The following GALM variants were observed in gnomAD, a reference collection of about 807,000 sequenced individuals.
The protein encoded by GALM is galactose mutarotase, also known as aldose 1-epimerase.
GALM carries 43 observed loss-of-function variants against 37.4 expected under a neutral mutation model. The ratio of observed to expected loss-of-function variants is 1.15; its 90% CI spans 0.90 to 1.48. The LOEUF (loss-of-function observed/expected upper bound fraction) is 1.48, where lower values mean the gene tolerates loss of function less well. GALM is among the 40% of genes most tolerant of loss of function. The pLI, the probability that GALM is intolerant of heterozygous loss-of-function variation, is 0.00. For missense variants in GALM, 456 were observed against 419.1 expected (o/e 1.09, Z -0.77); for synonymous variants, 199 against 170.6 (o/e 1.17, Z -1.30).
At chr2:38,717,507 C>G (rs1397367189) in intron 4 of GALM, among the ~76,000 whole-genome samples, 1 of 151,230 alleles carries the variant, frequency 6.6e-6, no homozygotes, top group Non-Finnish European at 1.5e-5. Flanking sequence ...TCAAGCAATT[C>G]TCTTGCTTGA....
At chr2:38,731,932 C>G in intron 6 of GALM, 23 bp downstream of exon 6, 1 of 1,605,932 alleles carries the variant, frequency 6.2e-7, no homozygotes, top group Non-Finnish European at 8.5e-7. Context: ...GCTGGCTTTT[C>G]AGAGTAGAGT....
chr2:38,728,935 G>A (rs1037186358), intron 4 of GALM, among the ~76,000 whole-genome samples: 1 of 152,104 alleles, frequency 6.6e-6, no homozygotes, highest in Non-Finnish European at 1.5e-5. Context: ...TTCCACCTGC[G>A]CTGCTCAGAA....
chr2:38,693,365 C>T (rs1312053718), intron 4 of GALM, among the ~76,000 whole-genome samples: 1 of 151,960 alleles, frequency 6.6e-6, no homozygotes, highest in Non-Finnish European at 1.5e-5. Context: ...CGCCTGTAAT[C>T]CCAGTTACTT....
rs566728898 is a variant in GALM, at chr2:38,691,602, C to T, written c.634+1708C>T. On this transcript the variant is annotated intron_variant, in intron 4 of 6. Transcript: ENST00000272252. ...AAGAGGCTGAAGCAGGAGGATCTCT[C>T]GAGCCCAGGAGTTGGAGGCTGCAGT... 4.6e-5 allele frequency among the ~76,000 whole-genome samples: 7 copies of T among 151,730 alleles called. No individual in the cohort carries two copies. The East Asian group carries it at 9.7e-4, about 21-fold the overall frequency.
At chr2:38,707,295 G>A (rs943719673) in intron 4 of GALM, among the ~76,000 whole-genome samples, 12 of 152,148 alleles carry the variant, frequency 7.9e-5, no homozygotes, top group Non-Finnish European at 1.5e-4. Context: ...ATTAAGCCAC[G>A]TGGATTTACC....
intron 1 of GALM, chr2:38,671,500 CACTG>C (rs549410452): frequency 2.6e-5 from 4 of 152,178 alleles, no homozygotes; most frequent in Non-Finnish European, 4.4e-5. Flanking sequence ...CGTGAGAACT[CACTG>C]ACTATCACAA....
intron 1 of GALM, 68 bp from the exon 2 acceptor site, chr2:38,675,844 C>T: frequency 3.4e-6 from 5 of 1,472,092 alleles, no homozygotes; most frequent in Non-Finnish European, 3.8e-6. Context: ...GCTGGGATTA[C>T]AGGTGTGAGC....
chr2:38,691,091 A>C (rs1665662386), intron 4 of GALM, among the ~76,000 whole-genome samples: 1 of 152,226 alleles, frequency 6.6e-6, no homozygotes, highest in African/African-American at 2.4e-5. Context: ...CTGCAGTAGA[A>C]CTATATGTTG....
intron 4 of GALM, among the ~76,000 whole-genome samples, chr2:38,725,513 G>A (rs372977323): frequency 2.8e-4 from 42 of 151,036 alleles, no homozygotes; most frequent in African/African-American, 9.8e-4. Context: ...TACAGCCTGG[G>A]TAACAGAACG....
At chr2:38,712,754 G>A (rs756134567) in intron 4 of GALM, among the ~76,000 whole-genome samples, 7 of 152,188 alleles carry the variant, frequency 4.6e-5, no homozygotes, top group African/African-American at 7.2e-5. Flanking sequence ...AAGGAGGAGC[G>A]CAGGACAGCA....
intron 3 of GALM, among the ~76,000 whole-genome samples, chr2:38,687,536 C>G (rs531826861): frequency 1.9e-4 from 29 of 152,026 alleles, no homozygotes; most frequent in African/African-American, 6.5e-4. Context: ...ATGGTGAAAC[C>G]CCATCTCTAC....
chr2:38,698,254 C>T lies in GALM; in HGVS notation c.634+8360C>T, dbSNP rs543301345. On this transcript the variant is annotated intron_variant, in intron 4 of 6. Transcript: ENST00000272252. ...TTAAATAAATGAATAGAATTCATCACCTAACTTCTAAAGCTACCTCTGTAG... is the reference window on the plus strand; with the variant it reads ...TTAAATAAATGAATAGAATTCATCATCTAACTTCTAAAGCTACCTCTGTAG... The T allele has an allele frequency of 1.5e-5, 6 of 405,206 alleles. No homozygotes were observed. The East Asian group carries it at 4.9e-4, about 33-fold the overall frequency. 25.1% of individuals were successfully genotyped at this position (405,206 alleles called of 1,614,324 possible).
chr2:38,699,073 C>G lies in GALM; in HGVS notation c.634+9179C>G, dbSNP rs532892437. Among the ~76,000 whole-genome samples the G allele has an allele frequency of 3.3e-5, 5 of 151,918 alleles. No homozygotes were observed. In the South Asian group the frequency reaches 6.2e-4, roughly 19 times the overall value. The stretch of plus-strand genomic sequence containing the variant: ...GGATTACAAACGCCCACCACCATGC[C>G]CAGCTAATTTTTGTATTTTTAGTAG... On this transcript the variant is annotated intron_variant, in intron 4 of 6. Transcript: ENST00000272252.
At chr2:38,687,183 AC>A (rs1473621208) in intron 3 of GALM, among the ~76,000 whole-genome samples, 3 of 152,178 alleles carry the variant, frequency 2.0e-5, no homozygotes, top group Non-Finnish European at 4.4e-5. Flanking sequence ...TGCTGGCACC[AC>A]CCTGAGGCAT....
intron 4 of GALM, among the ~76,000 whole-genome samples, chr2:38,699,592 C>G (rs768060527): frequency 3.3e-5 from 5 of 152,050 alleles, no homozygotes; most frequent in Non-Finnish European, 7.4e-5. Context: ...CCGAGGTGGA[C>G]TGATCACCTG....
At chr2:38,689,659 CCA>C (rs1665625618) in intron 3 of GALM, among the ~76,000 whole-genome samples, 152 bp from the exon 4 acceptor site, 1 of 152,206 alleles carries the variant, frequency 6.6e-6, no homozygotes, top group African/African-American at 2.4e-5. Flanking sequence ...TTATCTACCT[CCA>C]CTTAGTTGAT....
chr2:38,698,645 C>T (rs1318378332), intron 4 of GALM, among the ~76,000 whole-genome samples: 1 of 152,134 alleles, frequency 6.6e-6, no homozygotes, highest in Non-Finnish European at 1.5e-5. Context: ...CAGGGCTGTC[C>T]CTGTAATTTC....
chr2:38,678,998 A>T (rs1045736984), intron 2 of GALM, among the ~76,000 whole-genome samples: 15 of 152,018 alleles, frequency 9.9e-5, no homozygotes, highest in Admixed American at 3.9e-4. Flanking sequence ...TTATTTATTT[A>T]TTTTTTGACA....
chr2:38,687,671 A>G (rs1252100612), intron 3 of GALM, among the ~76,000 whole-genome samples: 1 of 151,662 alleles, frequency 6.6e-6, no homozygotes, highest in Non-Finnish European at 1.5e-5. Context: ...AGATTGCGCC[A>G]CTGCACTCCA....
Sources: gnomAD v4.1 joint callset for allele counts (sites outside exome capture counted in the v4.1 genomes callset) on GRCh38, gnomAD v4.1.1 for gene constraint, MANE v1.5 for transcripts, NCBI Gene and HGNC (gene_info 2026-07-23, HGNC 2026-07-21) for gene names.